TENM4: variants seen among roughly 807,000 people sequenced by gnomAD.
TENM4 encodes the protein teneurin-4.
In TENM4, 82 loss-of-function variants were observed where a neutral mutation model predicts 243.3. That is an observed-to-expected ratio of 0.34 (90% CI 0.28 to 0.40). TENM4 has a LOEUF of 0.40. Among genes scored for constraint, TENM4 ranks in the 10% least tolerant of loss-of-function variants. The probability of loss-of-function intolerance (pLI) is 1.00; values close to 1 mark genes in which losing one functional copy is unlikely to be tolerated. For missense variants in TENM4, 3,138 were observed against 3,673.3 expected (o/e 0.85, Z 3.77); for synonymous variants, 1,412 against 1,456.3 (o/e 0.97, Z 0.69).
chr11:79,028,450 C>A (rs1458936670), intron 6 of TENM4, among the ~76,000 whole-genome samples: 3 of 152,188 alleles, frequency 2.0e-5, no homozygotes, highest in Non-Finnish European at 2.9e-5. Context: ...AGCTACAATG[C>A]GGCTGCAACA....
At chr11:78,920,500 AACAGTAACACAGCCTGCAGCTTTGTTC>A (rs774433166) in intron 6 of TENM4, among the ~76,000 whole-genome samples, 2 of 152,194 alleles carry the variant, frequency 1.3e-5, no homozygotes, top group Non-Finnish European at 1.5e-5. Flanking sequence ...TCCTCTGGGT[AACAGTAACACAGCCTGCAGCTTTGTTC>A]ACGGTCTCGT....
chr11:79,065,107 T>C, intron 5 of TENM4, 100 bp from the exon 6 acceptor site: 1 of 1,402,304 alleles, frequency 7.1e-7, no homozygotes, highest in East Asian at 2.7e-5. Flanking sequence ...CTCACTGTCG[T>C]TCTTTGAACT....
At chr11:79,111,283 C>T (rs1348199986) in intron 4 of TENM4, among the ~76,000 whole-genome samples, 3 of 152,180 alleles carry the variant, frequency 2.0e-5, no homozygotes, top group African/African-American at 7.2e-5. Context: ...CCGTGGCTCA[C>T]ACCTGTAATC....
chr11:79,243,607 G>A (rs953112432), intron 2 of TENM4, among the ~76,000 whole-genome samples: 2 of 152,208 alleles, frequency 1.3e-5, no homozygotes, highest in African/African-American at 4.8e-5. Context: ...CACAGCCACT[G>A]TCTCCAGGGT....
intron 4 of TENM4, among the ~76,000 whole-genome samples, chr11:79,088,438 C>T (rs1404606849): frequency 2.0e-5 from 3 of 152,218 alleles, no homozygotes; most frequent in Non-Finnish European, 4.4e-5. Context: ...GCAGCCCAGA[C>T]ATTGGCTCTG....
At chr11:79,433,441 G>C (rs1234154370) in intron 1 of TENM4, among the ~76,000 whole-genome samples, 1 of 152,190 alleles carries the variant, frequency 6.6e-6, no homozygotes, top group Non-Finnish European at 1.5e-5. Context: ...GAATTGGCAA[G>C]GTTTACCCCA....
intron 6 of TENM4, among the ~76,000 whole-genome samples, chr11:79,041,920 G>C (rs2136904419): frequency 6.6e-6 from 1 of 152,312 alleles, no homozygotes; most frequent in East Asian, 1.9e-4. Flanking sequence ...ACTTGGTTCT[G>C]ACCACAACGG....
At chr11:78,659,804 G>A (rs1029193165) in intron 33 of TENM4, among the ~76,000 whole-genome samples, 1 of 152,222 alleles carries the variant, frequency 6.6e-6, no homozygotes, top group Non-Finnish European at 1.5e-5. Flanking sequence ...TGTCCCTTCT[G>A]TGGCTCACAG....
In TENM4 at chr11:79,269,109, A is replaced by C. The variant is rs576909970; in HGVS notation, c.-265+28379T>G. On this transcript the variant is annotated intron_variant, in intron 2 of 33. Coordinates refer to ENST00000278550, the MANE Select transcript of TENM4 (RefSeq NM_001098816.3). ...CCTTAGGAGCAAAGGTTCCACACTC[A>C]CTAATTCAGGATTCCCACCTACTTT... 4.6e-5 allele frequency among the ~76,000 whole-genome samples: 7 copies of C among 152,354 alleles called. No homozygotes were observed. The South Asian group carries it at 1.4e-3, about 32-fold the overall frequency.
intron 6 of TENM4, among the ~76,000 whole-genome samples, chr11:79,009,421 G>A (rs1858583623): frequency 6.6e-6 from 1 of 152,134 alleles, no homozygotes; most frequent in Non-Finnish European, 1.5e-5. Context: ...ATGTGGAGAT[G>A]AGAAAGGCAC....
intron 6 of TENM4, among the ~76,000 whole-genome samples, chr11:79,039,499 A>T (rs1004283869): frequency 6.6e-6 from 1 of 152,206 alleles, no homozygotes; most frequent in Non-Finnish European, 1.5e-5. Flanking sequence ...TCAGATGTGG[A>T]TGTTGTCATA....
chr11:79,331,796 C>G (rs1235818793), intron 1 of TENM4, among the ~76,000 whole-genome samples: 10 of 152,220 alleles, frequency 6.6e-5, no homozygotes, highest in African/African-American at 2.4e-4. Context: ...GAGAGCTCAG[C>G]CTACCAGCCT....
chr11:79,016,463 T>C (rs1858777025), intron 6 of TENM4, among the ~76,000 whole-genome samples: 1 of 152,128 alleles, frequency 6.6e-6, no homozygotes, highest in African/African-American at 2.4e-5. Flanking sequence ...AGATAATGGA[T>C]TTGGGGTCAT....
chr11:78,856,210 C>A, intron 10 of TENM4, 32 bp from the exon 11 acceptor site: 1 of 1,543,164 alleles, frequency 6.5e-7, no homozygotes, highest in Non-Finnish European at 8.8e-7. Context: ...AAGACAAAGA[C>A]ATCTCGGTTA....
chr11:79,255,037 G>A (rs1326397301), intron 2 of TENM4, among the ~76,000 whole-genome samples: 1 of 152,156 alleles, frequency 6.6e-6, no homozygotes, highest in Non-Finnish European at 1.5e-5. Flanking sequence ...AAAGTGAGAG[G>A]GTCCCACTGG....
chr11:78,901,500 C>T (rs540489463), intron 7 of TENM4, among the ~76,000 whole-genome samples: 6 of 152,064 alleles, frequency 3.9e-5, no homozygotes, highest in Non-Finnish European at 7.3e-5. Flanking sequence ...TTAGGAAAAC[C>T]GCCTTGCTGC....
intron 1 of TENM4, among the ~76,000 whole-genome samples, chr11:79,347,657 G>A (rs1107993): frequency 0.022 from 3,305 of 152,092 alleles, 110 homozygotes; most frequent in African/African-American, 0.075. Flanking sequence ...GCTTAGCATA[G>A]GGACCTATGC....
chr11:79,196,908 TGAG>T (rs1863639754), intron 3 of TENM4, among the ~76,000 whole-genome samples: 1 of 152,156 alleles, frequency 6.6e-6, no homozygotes. Flanking sequence ...AGCCTCAGCA[TGAG>T]GAGGAAACAA....
chr11:79,179,129 T>C (rs1458215896), intron 3 of TENM4, among the ~76,000 whole-genome samples: 3 of 152,234 alleles, frequency 2.0e-5, no homozygotes, highest in East Asian at 3.8e-4. Flanking sequence ...TACTATATTT[T>C]GTACATTTTG....
Sources: gnomAD v4.1 joint callset for allele counts (sites outside exome capture counted in the v4.1 genomes callset) on GRCh38, gnomAD v4.1.1 for gene constraint, MANE v1.5 for transcripts, NCBI Gene and HGNC (gene_info 2026-07-23, HGNC 2026-07-21) for gene names.